Variants in CD99L2 observed in about 807,000 individuals in gnomAD.
CD99L2 encodes the protein CD99 molecule like 2, also known as CD99 antigen-like protein 2.
In CD99L2, 24 loss-of-function variants were observed where a neutral mutation model predicts 27.3. That is an observed-to-expected ratio of 0.88 (90% CI 0.64 to 1.24). The LOEUF is 1.24. Among genes scored for constraint, CD99L2 ranks in the 50% most tolerant of loss-of-function variants. CD99L2 has a pLI of 0.00. For synonymous variants in CD99L2, 97 were observed against 87.9 expected, an observed-to-expected ratio of 1.10 and a Z score of -0.58; for missense variants, 255 against 221.6, an observed-to-expected ratio of 1.15 and a Z score of -0.96.
At position 150,896,026 on chromosome X, in the gene CD99L2, CA is replaced by C. The variant is rs372737729; in HGVS notation, c.67+2495del. Among the ~76,000 whole-genome samples, 177 of 38,519 alleles carry C rather than the reference CA, an allele frequency of 4.6e-3. 1 individual carries two copies. Among genetic ancestry groups the C allele is most frequent in the South Asian group, 0.021 (13 of 626 alleles). The allele number at this position is 38,519 out of a possible 115,157, so 33.4% of individuals were successfully genotyped here. A position where few individuals can be genotyped will look rare whatever the true frequency, so the allele number is the denominator to read the frequency against. On this transcript the variant is annotated intron_variant, in intron 1 of 10. Transcript: ENST00000370377. ...GGGCGACATAGCAAGACTCTGTTTC[CA>C]AAAAAAAAAAAAAAAAAAAGATCCA...
chrX:150,843,478 G>A (rs1163432926), intron 1 of CD99L2, among the ~76,000 whole-genome samples: 6 of 109,686 alleles, frequency 5.5e-5, no homozygotes, highest in African/African-American at 1.3e-4. Context: ...GTGAAACCCC[G>A]TCTCTACTAA....
intron 1 of CD99L2, among the ~76,000 whole-genome samples, chrX:150,894,484 A>C (rs2047573212): frequency 8.9e-6 from 1 of 111,801 alleles, no homozygotes; most frequent in Non-Finnish European, 1.9e-5. Context: ...CCTACACTCC[A>C]TGTGTAAGCT....
chrX:150,828,021 T>G (rs1403078799), intron 2 of CD99L2, among the ~76,000 whole-genome samples: 1 of 112,200 alleles, frequency 8.9e-6, no homozygotes, highest in Admixed American at 9.4e-5. Context: ...CTATCTTGAT[T>G]ATTGTAGGTC....
At chrX:150,885,981 T>A (rs1336345087) in intron 1 of CD99L2, among the ~76,000 whole-genome samples, 1 of 112,347 alleles carries the variant, frequency 8.9e-6, no homozygotes, top group Non-Finnish European at 1.9e-5. Context: ...AATAACTAAC[T>A]ACACAGATTG....
intron 9 of CD99L2, among the ~76,000 whole-genome samples, chrX:150,773,128 T>G (rs1015998076): frequency 2.7e-5 from 3 of 112,705 alleles, no homozygotes; most frequent in East Asian, 2.8e-4. Flanking sequence ...CTGTTCCTAC[T>G]GACACCTGAG....
In CD99L2 at chrX:150,795,255, A is replaced by G. The variant is rs1384652130; in HGVS notation, c.381T>C (p.Asp127=). 12 of 1,210,068 alleles carry G rather than the reference A, an allele frequency of 9.9e-6. No individual in the cohort carries two copies. The highest frequency in any genetic ancestry group is 1.3e-5 in the Non-Finnish European group (12 of 895,271). The change falls in exon 6 of 11, where the codon GAT becomes GAC. Residue 127 remains aspartate (D), a synonymous_variant. Coordinates refer to ENST00000370377, the MANE Select transcript of CD99L2 (RefSeq NM_031462.4). Reference sequence around the variant, plus strand: ...TGCGGCCATCATCTCGATCATTTCGATCATCCAGGGCATCAGCCAAGTCAA... The same window carrying G: ...TGCGGCCATCATCTCGATCATTTCGGTCATCCAGGGCATCAGCCAAGTCAA... ...NDFDLADALD[D]RNDRDDGRRK... is the part of the protein sequence containing the mutation.
intron 8 of CD99L2, chrX:150,776,839 C>T (rs187211449): frequency 6.8e-4 from 80 of 118,440 alleles, no homozygotes; most frequent in African/African-American, 2.1e-3. Flanking sequence ...TGACGACACG[C>T]GCCAAGGTGG....
intron 6 of CD99L2, among the ~76,000 whole-genome samples, chrX:150,794,913 A>AC (rs1471060460): frequency 8.9e-6 from 1 of 112,856 alleles, no homozygotes; most frequent in Middle Eastern, 4.2e-3. Context: ...TCTCATAAAA[A>AC]TGTTATTTAT....
rs782555668 is a variant in CD99L2 at position 150,822,859 on chromosome X, T to C, written c.131-6781A>G. On this transcript the variant is annotated intron_variant, in intron 2 of 10. Coordinates refer to ENST00000370377, the MANE Select transcript of CD99L2 (RefSeq NM_031462.4). Reference sequence around the variant, plus strand: ...AAGGATGTCTGATATGGTTTGGCTGTGTTCTCTCCCAAATCTCATCTTGAA... The same window carrying C: ...AAGGATGTCTGATATGGTTTGGCTGCGTTCTCTCCCAAATCTCATCTTGAA... Among the ~76,000 whole-genome samples, 8 of 112,410 alleles carry C rather than the reference T, an allele frequency of 7.1e-5. No individual in the cohort carries two copies. In the Admixed American group the frequency reaches 7.5e-4, roughly 11 times the overall value.
chrX:150,769,648 A>T (rs2043381773), intron 10 of CD99L2, among the ~76,000 whole-genome samples: 1 of 108,162 alleles, frequency 9.2e-6, no homozygotes, highest in African/African-American at 3.4e-5. Flanking sequence ...CACTGGCAAC[A>T]CTCGCCTGAG....
At chrX:150,796,039 A>G (rs185066632) in intron 4 of CD99L2, among the ~76,000 whole-genome samples, 10 of 112,601 alleles carry the variant, frequency 8.9e-5, no homozygotes, top group Admixed American at 3.7e-4. Context: ...TTTCACACCA[A>G]TTACACAGAT....
chrX:150,818,344 T>C (rs978568224), intron 2 of CD99L2, among the ~76,000 whole-genome samples: 1 of 109,725 alleles, frequency 9.1e-6, no homozygotes, highest in Non-Finnish European at 1.9e-5. Context: ...AGACCATATG[T>C]AGGTTACAAA....
intron 1 of CD99L2, among the ~76,000 whole-genome samples, chrX:150,848,316 C>G (rs2046734790): frequency 2.7e-5 from 3 of 110,206 alleles, no homozygotes; most frequent in Non-Finnish European, 3.8e-5. Flanking sequence ...TACTATATTC[C>G]CATTTTATGA....
chrX:150,825,596 A>T (rs2046356544), intron 2 of CD99L2, among the ~76,000 whole-genome samples: 1 of 112,551 alleles, frequency 8.9e-6, no homozygotes, highest in Non-Finnish European at 1.9e-5. Context: ...GCTTCAATTT[A>T]TGCACATTTT....
At chrX:150,802,560 A>G (rs1466369932) in intron 4 of CD99L2, among the ~76,000 whole-genome samples, 2 of 99,841 alleles carry the variant, frequency 2.0e-5, no homozygotes, top group Non-Finnish European at 4.0e-5. Flanking sequence ...AGCGAGACTC[A>G]GGCTCAAAAA....
At chrX:150,806,109 T>A (rs1213975198) in intron 4 of CD99L2, among the ~76,000 whole-genome samples, 1 of 112,440 alleles carries the variant, frequency 8.9e-6, no homozygotes, top group Non-Finnish European at 1.9e-5. Flanking sequence ...TTGGTTGTGA[T>A]CTTATACTAT....
At chrX:150,772,662 G>A (rs2043481459) in intron 9 of CD99L2, among the ~76,000 whole-genome samples, 2 of 112,939 alleles carry the variant, frequency 1.8e-5, no homozygotes, top group African/African-American at 6.4e-5. Flanking sequence ...AGGCAAAAAG[G>A]TCTATGGAAC....
At chrX:150,870,641 C>A (rs782731203) in intron 1 of CD99L2, among the ~76,000 whole-genome samples, 12 of 111,085 alleles carry the variant, frequency 1.1e-4, no homozygotes, top group African/African-American at 3.6e-4. Flanking sequence ...GTCCTCATCA[C>A]ATATTCCTCC....
At chrX:150,878,095 T>C (rs1223133421) in intron 1 of CD99L2, among the ~76,000 whole-genome samples, 1 of 109,851 alleles carries the variant, frequency 9.1e-6, no homozygotes, top group Non-Finnish European at 1.9e-5. Context: ...CCCAGCACTT[T>C]GGGAGGCTGA....
Sources: gnomAD v4.1 joint callset for allele counts (sites outside exome capture counted in the v4.1 genomes callset) on GRCh38, gnomAD v4.1.1 for gene constraint, MANE v1.5 for transcripts, NCBI Gene and HGNC (gene_info 2026-07-23, HGNC 2026-07-21) for gene names.